Variants in SPIRE1 observed in about 807,000 individuals in gnomAD.
The protein encoded by SPIRE1 is protein spire homolog 1.
In SPIRE1, 40 loss-of-function variants were observed where a neutral mutation model predicts 94.1. The observed-to-expected ratio is 0.43, with a 90% CI of 0.33 to 0.55. The LOEUF (loss-of-function observed/expected upper bound fraction) is 0.55, where lower values mean the gene tolerates loss of function less well. SPIRE1 is among the 20% of genes least tolerant of loss of function. The pLI is 0.06. For synonymous variants in SPIRE1, 376 were observed against 371.7 expected (o/e 1.01, Z -0.13); for missense variants, 838 against 975.2 (o/e 0.86, Z 1.87).
At chr18:12,511,118 T>G (rs2034023037) in intron 5 of SPIRE1, among the ~76,000 whole-genome samples, 1 of 152,244 alleles carries the variant, frequency 6.6e-6, no homozygotes, top group African/African-American at 2.4e-5. Context: ...AACTGTTCAC[T>G]GGATAAATAA....
chr18:12,532,994 G>A (rs560990118), intron 4 of SPIRE1, among the ~76,000 whole-genome samples: 5 of 152,248 alleles, frequency 3.3e-5, no homozygotes, highest in East Asian at 1.9e-4. Flanking sequence ...AGGAGAGATC[G>A]GCTTCCCGCA....
Position 12,479,680 on chromosome 18 carries a change from G to A in SPIRE1, c.1404+19C>T. 6.3e-7 allele frequency: 1 copy of A among 1,582,578 alleles called. No homozygotes were observed. The highest frequency in any genetic ancestry group is 2.3e-5 in the East Asian group (1 of 44,284). ...GCACCCTCATCTTGGGAGTCAAGCT[G>A]GGTGAACTGGGGCCTCACCTCAGAC... On this transcript the variant is annotated intron_variant, in intron 10 of 16. Coordinates refer to ENST00000409402, the MANE Select transcript of SPIRE1 (RefSeq NM_001128626.2).
Position 12,585,691 on chromosome 18 carries a change from T to G in SPIRE1, c.373-38787A>C, listed in dbSNP as rs573440560. Among the ~76,000 whole-genome samples the G allele has an allele frequency of 2.6e-5, 4 of 152,278 alleles. No homozygotes were observed. In the South Asian group the frequency reaches 8.3e-4, roughly 32 times the overall value. On this transcript the variant is annotated intron_variant, in intron 2 of 16. Transcript: ENST00000409402. ...TGAGGTAGGTCTATATGTACTAACA[T>G]GTAAAAAGATGCTCAATATGTATTA...
intron 4 of SPIRE1, among the ~76,000 whole-genome samples, chr18:12,534,705 C>A (rs1358965142): frequency 6.6e-6 from 1 of 152,178 alleles, no homozygotes; most frequent in Non-Finnish European, 1.5e-5. Flanking sequence ...CTTGCAGACA[C>A]CCTGTCATGG....
chr18:12,539,328 T>G (rs1398084706), intron 3 of SPIRE1, among the ~76,000 whole-genome samples: 1 of 152,132 alleles, frequency 6.6e-6, no homozygotes, highest in Non-Finnish European at 1.5e-5. Context: ...GGAGTTTCCC[T>G]GCACAAGCTC....
intron 2 of SPIRE1, among the ~76,000 whole-genome samples, chr18:12,596,822 C>T (rs1665921320): frequency 6.6e-6 from 1 of 152,060 alleles, no homozygotes; most frequent in Non-Finnish European, 1.5e-5. Flanking sequence ...TAATTCATTA[C>T]ATGTTCCTCA....
chr18:12,571,441 C>G (rs1008951742), intron 2 of SPIRE1, among the ~76,000 whole-genome samples: 2 of 152,094 alleles, frequency 1.3e-5, no homozygotes, highest in African/African-American at 4.8e-5. Flanking sequence ...TGCCATCTAA[C>G]ACATTATCAT....
intron 4 of SPIRE1, among the ~76,000 whole-genome samples, chr18:12,524,751 A>C (rs1353495302): frequency 6.6e-6 from 1 of 152,102 alleles, no homozygotes; most frequent in Non-Finnish European, 1.5e-5. Flanking sequence ...AGGTGGCAGG[A>C]TCACTTGAGG....
chr18:12,546,606 G>A (rs1052557460), intron 3 of SPIRE1, 68 bp downstream of exon 3: 7 of 1,184,316 alleles, frequency 5.9e-6, no homozygotes, highest in Non-Finnish European at 8.7e-6. Flanking sequence ...CTCTCCAGGG[G>A]GGGAAAAAAA....
intron 12 of SPIRE1, among the ~76,000 whole-genome samples, chr18:12,455,732 C>CT (rs1359766004): frequency 6.6e-6 from 1 of 152,178 alleles, no homozygotes; most frequent in African/African-American, 2.4e-5. Context: ...TGCAGTGACA[C>CT]TGAAACTGAA....
chr18:12,452,119 T>C, intron 16 of SPIRE1, 136 bp downstream of exon 16: 1 of 1,006,352 alleles, frequency 9.9e-7, no homozygotes, highest in South Asian at 1.7e-5. Flanking sequence ...GAGATTTGTG[T>C]GTAAAACTGT....
chr18:12,643,751 T>A (rs1252226199), intron 1 of SPIRE1, among the ~76,000 whole-genome samples: 1 of 152,202 alleles, frequency 6.6e-6, no homozygotes, highest in Non-Finnish European at 1.5e-5. Context: ...ATAAACATTT[T>A]TAGCTATTTA....
intron 12 of SPIRE1, 28 bp downstream of exon 12, chr18:12,463,323 G>A (rs2031948027): frequency 1.3e-6 from 2 of 1,572,614 alleles, no homozygotes; most frequent in Non-Finnish European, 1.7e-6. Flanking sequence ...TGGTCCCTAA[G>A]TTACTACAAA....
At chr18:12,539,266 C>T (rs1470248089) in intron 3 of SPIRE1, among the ~76,000 whole-genome samples, 3 of 152,134 alleles carry the variant, frequency 2.0e-5, no homozygotes, top group Non-Finnish European at 4.4e-5. Flanking sequence ...CTTCCCCTTG[C>T]TGTTCTCATG....
chr18:12,627,904 GT>G (rs2037676337), intron 2 of SPIRE1, among the ~76,000 whole-genome samples: 1 of 137,858 alleles, frequency 7.3e-6, no homozygotes, highest in East Asian at 2.4e-4. Flanking sequence ...TGATGGGGTT[GT>G]TTTTTTCTTG....
chr18:12,591,621 T>G (rs2036537750), intron 2 of SPIRE1, among the ~76,000 whole-genome samples: 1 of 152,140 alleles, frequency 6.6e-6, no homozygotes, highest in Admixed American at 6.5e-5. Context: ...TGCTAATACA[T>G]TGACTGTTAG....
chr18:12,524,645 C>T (rs2034451496), intron 4 of SPIRE1, among the ~76,000 whole-genome samples: 1 of 152,088 alleles, frequency 6.6e-6, no homozygotes, highest in African/African-American at 2.4e-5. Flanking sequence ...AGGCATGAGA[C>T]ACCGTGCCTG....
At chr18:12,608,514 T>C (rs1567964567) in intron 2 of SPIRE1, among the ~76,000 whole-genome samples, 1 of 152,226 alleles carries the variant, frequency 6.6e-6, no homozygotes, top group Non-Finnish European at 1.5e-5. Context: ...TTGCTTCATT[T>C]TCCCACATAT....
chr18:12,449,838 C>T lies in SPIRE1; in HGVS notation c.2071G>A (p.Glu691Lys), dbSNP rs2031137183. The T allele has an allele frequency of 6.2e-7, 1 of 1,614,008 alleles. No homozygotes were observed. Among genetic ancestry groups the T allele is most frequent in the South Asian group, 1.1e-5 (1 of 91,080 alleles). ...ATGGTGCTCCAGTCCTCCATCAACT[C>T]TTTGGGAAACTGGAGTTCTTCATCT... ...KSDEELQFPK[E>K]LMEDWSTMEV... The change falls in exon 17 of 17, where the codon GAG (glutamate) becomes AAG (lysine). Residue 691 changes from glutamate (E) to lysine (K), a missense_variant. Coordinates refer to ENST00000409402, the MANE Select transcript of SPIRE1 (RefSeq NM_001128626.2).
Sources: gnomAD v4.1 joint callset for allele counts (sites outside exome capture counted in the v4.1 genomes callset) on GRCh38, gnomAD v4.1.1 for gene constraint, MANE v1.5 for transcripts, NCBI Gene and HGNC (gene_info 2026-07-23, HGNC 2026-07-21) for gene names.